Variants in CAB39 observed in about 807,000 individuals in gnomAD.
The protein encoded by CAB39 is calcium-binding protein 39.
Under a neutral mutation model 40.0 loss-of-function variants are expected in CAB39, and 8 were observed. The ratio of observed to expected loss-of-function variants is 0.20; its 90% CI spans 0.12 to 0.36. The LOEUF is 0.36. CAB39 is among the 10% of genes least tolerant of loss of function. The probability of loss-of-function intolerance (pLI) is 1.00; values close to 1 mark genes in which losing one functional copy is unlikely to be tolerated. For synonymous variants in CAB39, 156 were observed against 141.6 expected (o/e 1.10, Z -0.72); for missense variants, 270 against 401.1 (o/e 0.67, Z 2.79).
chr2:230,757,331 A>G (rs756848412), intron 1 of CAB39, among the ~76,000 whole-genome samples: 103 of 152,036 alleles, frequency 6.8e-4, no homozygotes, highest in Non-Finnish European at 1.3e-3. Context: ...CCTGACCTCA[A>G]GCAATTCACC....
Position 230,815,342 on chromosome 2 carries a change from TG to T in CAB39, c.693+1234del, listed in dbSNP as rs1219818243. ...GGATCATTTGCTGTCCTTTCATCTT[TG>T]GGGGGTTGGACAGAACTTCCTGGCA... On this transcript the variant is annotated intron_variant, in intron 7 of 8. Coordinates refer to ENST00000258418, the MANE Select transcript of CAB39 (RefSeq NM_016289.4). 3.3e-5 allele frequency among the ~76,000 whole-genome samples: 5 copies of T among 152,286 alleles called. No homozygotes were observed. In the East Asian group the frequency reaches 9.6e-4, roughly 29 times the overall value.
intron 2 of CAB39, among the ~76,000 whole-genome samples, chr2:230,772,877 A>G (rs977907017): frequency 6.6e-6 from 1 of 152,036 alleles, no homozygotes; most frequent in Non-Finnish European, 1.5e-5. Flanking sequence ...TATGTTCATG[A>G]AAAGACTTTT....
At chr2:230,775,499 G>T (rs555120399) in intron 2 of CAB39, among the ~76,000 whole-genome samples, 31 of 152,244 alleles carry the variant, frequency 2.0e-4, no homozygotes, top group African/African-American at 7.0e-4. Context: ...CTCCCAAAGT[G>T]CTGGGATTAC....
chr2:230,810,224 T>G, intron 5 of CAB39, 39 bp from the exon 6 acceptor site: 1 of 947,560 alleles, frequency 1.1e-6, no homozygotes, highest in Non-Finnish European at 1.6e-6. Context: ...TTTGAAAACT[T>G]GGAGAACAAC....
intron 4 of CAB39, among the ~76,000 whole-genome samples, chr2:230,793,972 A>G (rs1695934893): frequency 6.6e-6 from 1 of 152,162 alleles, no homozygotes; most frequent in Non-Finnish European, 1.5e-5. Context: ...CTTCTCCCTC[A>G]TCCCTGAGCC....
intron 1 of CAB39, among the ~76,000 whole-genome samples, chr2:230,726,569 T>A (rs562329548): frequency 6.6e-6 from 1 of 152,270 alleles, no homozygotes; most frequent in East Asian, 1.9e-4. Context: ...TAGTCACAGG[T>A]ACAGTGGCCT....
At chr2:230,798,049 G>T (rs532523175) in intron 4 of CAB39, among the ~76,000 whole-genome samples, 1 of 152,268 alleles carries the variant, frequency 6.6e-6, no homozygotes, top group East Asian at 1.9e-4. Context: ...TGGCTGAGAG[G>T]TGTCTCTCTA....
chr2:230,791,708 T>G (rs989678055), intron 3 of CAB39, among the ~76,000 whole-genome samples: 3 of 152,228 alleles, frequency 2.0e-5, no homozygotes, highest in Non-Finnish European at 4.4e-5. Flanking sequence ...TTGCTCCTCC[T>G]GTCTCAGGGC....
In CAB39 at chr2:230,754,351, T is replaced by G. The variant is rs551836531; in HGVS notation, c.-43-5608T>G. Among the ~76,000 whole-genome samples, 21 of 148,668 alleles carry G rather than the reference T, an allele frequency of 1.4e-4. 1 individual carries two copies. Among genetic ancestry groups the G allele is most frequent in the African/African-American group, 5.3e-4 (21 of 39,476 alleles). ...CTTCTTCTTCCTTCCTCTTCTTCCT[T>G]CCTCTTCTTCCGTCCCCTTCTGCCT... On this transcript the variant is annotated intron_variant, in intron 1 of 8. Coordinates refer to ENST00000258418, the MANE Select transcript of CAB39 (RefSeq NM_016289.4).
chr2:230,791,102 C>T, intron 3 of CAB39, 66 bp downstream of exon 3: 1 of 1,188,270 alleles, frequency 8.4e-7, no homozygotes. Flanking sequence ...CATACGTTCT[C>T]TCTTTTGGAA....
chr2:230,733,918 G>T (rs1694739246), intron 1 of CAB39, among the ~76,000 whole-genome samples: 1 of 152,176 alleles, frequency 6.6e-6, no homozygotes, highest in African/African-American at 2.4e-5. Flanking sequence ...TGTGAAAATA[G>T]ACATACTGTT....
At chr2:230,724,808 G>C (rs1445552547) in intron 1 of CAB39, among the ~76,000 whole-genome samples, 2 of 129,644 alleles carry the variant, frequency 1.5e-5, no homozygotes, top group East Asian at 4.4e-4. Flanking sequence ...AACTTTACAA[G>C]GACAGTGACT....
intron 8 of CAB39, 82 bp downstream of exon 8, chr2:230,817,979 C>T: frequency 8.1e-7 from 1 of 1,238,590 alleles, no homozygotes; most frequent in Middle Eastern, 1.9e-4. Context: ...AATTATTAGC[C>T]TCACTCTGGT....
chr2:230,801,926 CAGAT>C (rs1375839757), intron 5 of CAB39, among the ~76,000 whole-genome samples: 2 of 151,476 alleles, frequency 1.3e-5, no homozygotes, highest in African/African-American at 4.9e-5. Context: ...AATGGATGCT[CAGAT>C]AGTAAACCAG....
rs965403616 is a variant in CAB39, at chr2:230,819,407, C to T, written c.*703C>T. On this transcript the variant is annotated 3_prime_UTR_variant, in exon 9 of 9. Coordinates refer to ENST00000258418, the MANE Select transcript of CAB39 (RefSeq NM_016289.4). Reference sequence around the variant, plus strand: ...TTGTTAATTTTACTTTTCAAAGATACTTTAAAACAGTAGAGCTAGCAATGA... The same window carrying T: ...TTGTTAATTTTACTTTTCAAAGATATTTTAAAACAGTAGAGCTAGCAATGA... The T allele has an allele frequency of 1.2e-4, 19 of 152,640 alleles. No individual in the cohort carries two copies. The highest frequency in any genetic ancestry group is 4.1e-4 in the African/African-American group (17 of 41,448). 9.5% of individuals were successfully genotyped at this position (152,640 alleles called of 1,614,324 possible).
intron 2 of CAB39, among the ~76,000 whole-genome samples, chr2:230,779,624 TGAGGA>T (rs1695652978): frequency 6.6e-6 from 1 of 152,214 alleles, no homozygotes; most frequent in Non-Finnish European, 1.5e-5. Context: ...CATGTTCAAC[TGAGGA>T]AACTTCCCAG....
chr2:230,809,261 C>T (rs1032584051), intron 5 of CAB39, among the ~76,000 whole-genome samples: 2 of 152,156 alleles, frequency 1.3e-5, no homozygotes, highest in Non-Finnish European at 1.5e-5. Flanking sequence ...TTTCTTAAAG[C>T]GTTTCTCAGA....
At chr2:230,752,740 T>A in intron 1 of CAB39, among the ~76,000 whole-genome samples, 1 of 152,232 alleles carries the variant, frequency 6.6e-6, no homozygotes. Flanking sequence ...GGGTCTACCC[T>A]TAATGTCTGT....
At chr2:230,791,898 G>A (rs556801392) in intron 3 of CAB39, among the ~76,000 whole-genome samples, 1 of 152,308 alleles carries the variant, frequency 6.6e-6, no homozygotes, top group South Asian at 2.1e-4. Context: ...CTGTGGCATG[G>A]CCATGCCTCT....
Sources: allele counts gnomAD v4.1 joint callset (sites outside exome capture counted in the v4.1 genomes callset), GRCh38; gene constraint gnomAD v4.1.1; transcripts MANE v1.5; gene names NCBI Gene and HGNC (gene_info 2026-07-23, HGNC 2026-07-21).